The following LDAH variants were observed in gnomAD, a reference collection of about 807,000 sequenced individuals.
The protein encoded by LDAH is lipid droplet associated hydrolase, also known as lipid droplet-associated hydrolase.
A neutral mutation model predicts 29.6 loss-of-function variants in LDAH; 26 were observed. The ratio of observed to expected loss-of-function variants is 0.88; its 90% CI spans 0.64 to 1.22. The LOEUF is 1.22. Ranked by LOEUF, LDAH falls within the 50% of genes most tolerant of loss-of-function variation. LDAH has a pLI of 0.00. For missense variants in LDAH, 344 were observed against 387.3 expected (o/e 0.89, Z 0.94); for synonymous variants, 117 against 133.0 (o/e 0.88, Z 0.83).
chr2:20,718,188 T>G (rs985474929), intron 5 of LDAH, among the ~76,000 whole-genome samples: 10 of 151,930 alleles, frequency 6.6e-5, no homozygotes, highest in Non-Finnish European at 1.2e-4. Flanking sequence ...TGAATGTAAA[T>G]CAACTAAATT....
intron 5 of LDAH, among the ~76,000 whole-genome samples, chr2:20,732,877 T>C (rs947921101): frequency 1.5e-4 from 22 of 148,938 alleles, no homozygotes; most frequent in Non-Finnish European, 3.2e-4. Flanking sequence ...TGTTTTCAAT[T>C]TTTTTTGTAG....
chr2:20,739,201 C>T (rs1158870009), intron 5 of LDAH, among the ~76,000 whole-genome samples: 1 of 152,130 alleles, frequency 6.6e-6, no homozygotes, highest in East Asian at 1.9e-4. Flanking sequence ...ACTGCTGCAA[C>T]TAATTGTTAC....
At chr2:20,729,938 G>A (rs548533665) in intron 5 of LDAH, among the ~76,000 whole-genome samples, 2 of 152,278 alleles carry the variant, frequency 1.3e-5, no homozygotes, top group East Asian at 3.9e-4. Flanking sequence ...CAGGACTACA[G>A]GTGTGTGCCA....
chr2:20,757,853 C>T (rs1485915849), intron 4 of LDAH, among the ~76,000 whole-genome samples: 1 of 152,102 alleles, frequency 6.6e-6, no homozygotes, highest in Non-Finnish European at 1.5e-5. Flanking sequence ...CCTGAGGCTG[C>T]CAGCCTTTGG....
intron 3 of LDAH, 125 bp from the exon 4 acceptor site, chr2:20,775,104 G>T: frequency 1.3e-6 from 1 of 763,530 alleles, no homozygotes. Context: ...GTGTGCCAGT[G>T]ATAATATTAG....
At chr2:20,744,605 T>C (rs1044991550) in intron 4 of LDAH, among the ~76,000 whole-genome samples, 8 of 152,196 alleles carry the variant, frequency 5.3e-5, no homozygotes, top group African/African-American at 1.9e-4. Flanking sequence ...TTTAGCTAAC[T>C]AATTTCTCCT....
chr2:20,792,526 G>T (rs1200670403), intron 2 of LDAH, among the ~76,000 whole-genome samples: 4 of 152,132 alleles, frequency 2.6e-5, no homozygotes, highest in African/African-American at 4.8e-5. Flanking sequence ...ATCCGGTGTA[G>T]GATCTTCTGC....
chr2:20,801,000 T>C (rs1340416388), intron 2 of LDAH, among the ~76,000 whole-genome samples: 2 of 152,072 alleles, frequency 1.3e-5, no homozygotes, highest in African/African-American at 4.8e-5. Flanking sequence ...CTGGCAAAAA[T>C]ATTGATGAAG....
At chr2:20,782,923 A>G (rs550337367) in intron 3 of LDAH, among the ~76,000 whole-genome samples, 77 of 152,204 alleles carry the variant, frequency 5.1e-4, no homozygotes, top group Non-Finnish European at 8.1e-4. Flanking sequence ...AATTAACTTT[A>G]TATCTTCCTT....
At chr2:20,728,825 A>G (rs1666201603) in intron 5 of LDAH, among the ~76,000 whole-genome samples, 1 of 152,170 alleles carries the variant, frequency 6.6e-6, no homozygotes, top group Non-Finnish European at 1.5e-5. Flanking sequence ...GGAAAAAAAA[A>G]AATCAGAGAC....
At chr2:20,689,391 C>T (rs1436938055) in intron 6 of LDAH, among the ~76,000 whole-genome samples, 1 of 152,176 alleles carries the variant, frequency 6.6e-6, no homozygotes, top group Non-Finnish European at 1.5e-5. Context: ...AGAGTAAGAA[C>T]TTCTTTTGCT....
At chr2:20,794,708 T>G (rs1280458017) in intron 2 of LDAH, among the ~76,000 whole-genome samples, 1 of 152,192 alleles carries the variant, frequency 6.6e-6, no homozygotes, top group African/African-American at 2.4e-5. Context: ...TACTTAACAT[T>G]GTAGCATGTA....
chr2:20,791,388 A>G (rs978879617), intron 2 of LDAH, among the ~76,000 whole-genome samples: 17 of 152,218 alleles, frequency 1.1e-4, no homozygotes, highest in African/African-American at 4.1e-4. Flanking sequence ...ATCAATGTAC[A>G]AAGCATTGTA....
rs1485302334 is a variant in LDAH, at chr2:20,702,900, G to A, written c.704-1248C>T. ...CGGGCTGGAGGGCAATGGCACGATC[G>A]TGGCTCACGGCCACCTCCCAGGTTC... On this transcript the variant is annotated intron_variant, in intron 5 of 6. Transcript: ENST00000237822. Among the ~76,000 whole-genome samples, 10 of 152,124 alleles carry A rather than the reference G, an allele frequency of 6.6e-5. No individual in the cohort carries two copies. The South Asian group carries it at 1.2e-3, about 19-fold the overall frequency.
intron 4 of LDAH, among the ~76,000 whole-genome samples, chr2:20,754,294 C>A (rs563275407): frequency 6.6e-6 from 1 of 151,708 alleles, no homozygotes; most frequent in Admixed American, 6.6e-5. Context: ...TTGAAACCAG[C>A]CTGGGCAACA....
intron 3 of LDAH, among the ~76,000 whole-genome samples, chr2:20,776,857 T>TC (rs1669859496): frequency 6.6e-6 from 1 of 152,206 alleles, no homozygotes; most frequent in Admixed American, 6.5e-5. Context: ...TTTGGAAATA[T>TC]CCAAGTTTTC....
intron 5 of LDAH, among the ~76,000 whole-genome samples, chr2:20,713,307 A>G (rs1477015396): frequency 6.6e-6 from 1 of 152,200 alleles, no homozygotes. Flanking sequence ...TAAATGAAGG[A>G]GAAATAAAAT....
intron 5 of LDAH, among the ~76,000 whole-genome samples, chr2:20,710,771 G>A (rs1216732337): frequency 6.8e-6 from 1 of 146,936 alleles, no homozygotes; most frequent in Admixed American, 6.7e-5. Flanking sequence ...ACATATATAT[G>A]ACTATTTTGT....
chr2:20,763,285 G>C (rs1668812146), intron 4 of LDAH, among the ~76,000 whole-genome samples: 1 of 152,180 alleles, frequency 6.6e-6, no homozygotes, highest in Admixed American at 6.5e-5. Flanking sequence ...TGAGAAGACA[G>C]AGCTGACATC....
Sources: gnomAD v4.1 joint callset for allele counts (sites outside exome capture counted in the v4.1 genomes callset) on GRCh38, gnomAD v4.1.1 for gene constraint, MANE v1.5 for transcripts, NCBI Gene and HGNC (gene_info 2026-07-23, HGNC 2026-07-21) for gene names.